B3GNT4: variants seen among roughly 807,000 people sequenced by gnomAD.
B3GNT4 encodes UDP-GlcNAc:betaGal beta-1,3-N-acetylglucosaminyltransferase 4, also known as N-acetyllactosaminide beta-1,3-N-acetylglucosaminyltransferase 4.
Under a neutral mutation model 2.7 loss-of-function variants are expected in B3GNT4, and 2 were observed. That is an observed-to-expected ratio of 0.73 (90% CI 0.30 to 2.31). The LOEUF (loss-of-function observed/expected upper bound fraction) is 2.31. B3GNT4 is among the 30% of genes most tolerant of loss of function. The probability of loss-of-function intolerance (pLI) is 0.12; values close to 1 mark genes in which losing one functional copy is unlikely to be tolerated. For missense variants in B3GNT4, 708 were observed against 490.9 expected, an observed-to-expected ratio of 1.44 and a Z score of -4.18; for synonymous variants, 280 against 203.4, an observed-to-expected ratio of 1.38 and a Z score of -3.20.
intron 1 of B3GNT4, 22 bp from the exon 2 acceptor site, chr12:122,204,500 C>G (rs1812497634): frequency 2.3e-6 from 2 of 863,776 alleles, no homozygotes; most frequent in East Asian, 2.7e-5. Flanking sequence ...CACCGCCGCC[C>G]GCCCGGGCCT....
At position 122,208,118 on chromosome 12, in the gene B3GNT4, T is replaced by TTA. The variant is rs1953972082; in HGVS notation, c.*730_*731insTA. 1.5e-6 allele frequency: 1 copy of TTA among 658,180 alleles called. No homozygotes were observed. The highest frequency in any genetic ancestry group is 2.8e-6 in the Non-Finnish European group (1 of 358,368). The allele number at this position is 658,180 out of a possible 1,614,324, so 40.8% of individuals were successfully genotyped here. The stretch of plus-strand genomic sequence containing the variant: ...TAGGCAAAATGCTTTGGGTGTGAGG[T>TTA]AAAAAAAATGGGTAAGAGCAGCTGT... On this transcript the variant is annotated 3_prime_UTR_variant, in exon 3 of 3. Coordinates refer to ENST00000324189, the MANE Select transcript of B3GNT4 (RefSeq NM_030765.4).
chr12:122,204,850 G>T (rs148649441), intron 2 of B3GNT4, 166 bp downstream of exon 2: 469 of 608,804 alleles, frequency 7.7e-4, no homozygotes, highest in Middle Eastern at 1.8e-3. Flanking sequence ...GACCAGCCCA[G>T]GCAACAAAAG....
Position 122,208,846 on chromosome 12 carries a change from A to G in B3GNT4, c.*1458A>G, listed in dbSNP as rs1593165726. The stretch of plus-strand genomic sequence containing the variant: ...ATGCAACTCTCACAATCATCTTTAT[A>G]GCTACAGAGCTTTTAGTACAGACCT... On this transcript the variant is annotated 3_prime_UTR_variant, in exon 3 of 3. Coordinates refer to ENST00000324189, the MANE Select transcript of B3GNT4 (RefSeq NM_030765.4). 1.8e-6 allele frequency: 1 copy of G among 563,490 alleles called. No homozygotes were observed. Among genetic ancestry groups the G allele is most frequent in the African/African-American group, 1.9e-5 (1 of 53,796 alleles). 34.9% of individuals were successfully genotyped at this position (563,490 alleles called of 1,614,324 possible).
At position 122,208,718 on chromosome 12, in the gene B3GNT4, G is replaced by T; in HGVS notation, c.*1330G>T. 1 of 812,866 alleles carries T rather than the reference G, an allele frequency of 1.2e-6. No homozygotes were observed. The highest frequency in any genetic ancestry group is 2.0e-5 in the Admixed American group (1 of 50,018). 50.4% of individuals were successfully genotyped at this position (812,866 alleles called of 1,614,324 possible). The stretch of plus-strand genomic sequence containing the variant: ...CTTGACCTCCCTGTCTTCTCTCTCT[G>T]CAAAGAAACTTCCACCTCTATGTTC... On this transcript the variant is annotated 3_prime_UTR_variant, in exon 3 of 3. Coordinates refer to ENST00000324189, the MANE Select transcript of B3GNT4 (RefSeq NM_030765.4).
rs774168455 is a variant in B3GNT4, at chr12:122,206,824, C to G, written c.573C>G (p.Phe191Leu). The G allele has an allele frequency of 6.2e-7, 1 of 1,612,880 alleles. No individual in the cohort carries two copies. Among genetic ancestry groups the G allele is most frequent in the African/African-American group, 1.3e-5 (1 of 74,936 alleles). Reference sequence around the variant, plus strand: ...AGTGGGACTTCACTGAGGACTTCTTCAACCTGACGCTCAAGGAGCTGCACC... The same window carrying G: ...AGTGGGACTTCACTGAGGACTTCTTGAACCTGACGCTCAAGGAGCTGCACC... Reference protein sequence around the residue: ...ILQWDFTEDFFNLTLKELHLQ... With the variant: ...ILQWDFTEDFLNLTLKELHLQ... Residue 191 changes from phenylalanine to leucine, a missense_variant, in exon 3 of 3, where the codon TTC becomes TTG. Phe to Leu is a conservative substitution (Grantham distance 22, BLOSUM62 0). Coordinates refer to ENST00000324189, the MANE Select transcript of B3GNT4 (RefSeq NM_030765.4).
At position 122,208,412 on chromosome 12, in the gene B3GNT4, G is replaced by A. The variant is rs769655007; in HGVS notation, c.*1024G>A. On this transcript the variant is annotated 3_prime_UTR_variant, in exon 3 of 3. Transcript: ENST00000324189. ...CTCACGCAGGTAGGCCTCCTGCTCCGACTCAGCCCGCTCCTCCCCTTCCTC... is the reference window on the plus strand; with the variant it reads ...CTCACGCAGGTAGGCCTCCTGCTCCAACTCAGCCCGCTCCTCCCCTTCCTC... The A allele has an allele frequency of 6.8e-6, 11 of 1,613,142 alleles. No homozygotes were observed. The highest frequency in any genetic ancestry group is 1.8e-4 in the Middle Eastern group (1 of 5,600).
chr12:122,207,324 C>G lies in B3GNT4; in HGVS notation c.1073C>G (p.Thr358Ser), dbSNP rs752469508. ...CGCCTCAGCCCCCTCGAGATGTGGACCATGTGGGCACTGGTGACAGATGAG... is the reference window on the plus strand; with the variant it reads ...CGCCTCAGCCCCCTCGAGATGTGGAGCATGTGGGCACTGGTGACAGATGAG... Reference protein sequence around the residue: ...VHRLSPLEMWTMWALVTDEGL... With the variant: ...VHRLSPLEMWSMWALVTDEGL... Residue 358 changes from threonine (T) to serine (S), a missense_variant, in exon 3 of 3, where the codon ACC (threonine) becomes AGC (serine). By Grantham distance (58) the Thr-to-Ser change is moderately conservative. Transcript: ENST00000324189. 2 of 1,610,476 alleles carry G rather than the reference C, an allele frequency of 1.2e-6. No homozygotes were observed. The highest frequency in any genetic ancestry group is 3.4e-5 in the Admixed American group (2 of 59,652).
chr12:122,208,025 C>T lies in B3GNT4; in HGVS notation c.*637C>T, dbSNP rs1485212984. The T allele has an allele frequency of 9.8e-6, 5 of 511,632 alleles. No individual in the cohort carries two copies. The highest frequency in any genetic ancestry group is 7.7e-5 in the South Asian group (5 of 64,974). 31.7% of individuals were successfully genotyped at this position (511,632 alleles called of 1,614,324 possible). A position where few individuals can be genotyped will look rare whatever the true frequency, so the allele number is the denominator to read the frequency against. On this transcript the variant is annotated 3_prime_UTR_variant, in exon 3 of 3. Coordinates refer to ENST00000324189, the MANE Select transcript of B3GNT4 (RefSeq NM_030765.4). ...ATCATTTTTGACGACGTAAATAAGA[C>T]TGAAAACAGGTTAAACAGTTGCTGA... is the stretch of plus-strand genomic sequence containing the variant.
At position 122,206,667 on chromosome 12, in the gene B3GNT4, G is replaced by T. The variant is rs1011006255; in HGVS notation, c.416G>T (p.Ser139Ile). The stretch of plus-strand genomic sequence containing the variant: ...GTGGAGCGACGTGCGGCTATCCGCA[G>T]CACGTGGGGCAGGGTGGGGGGATGG... ...GHVERRAAIRSTWGRVGGWAR... is the reference protein window; with the variant it reads ...GHVERRAAIRITWGRVGGWAR... Residue 139 changes from serine to isoleucine, a missense_variant, in exon 3 of 3, where the codon AGC becomes ATC. By Grantham distance (142) the Ser-to-Ile change is moderately radical. Transcript: ENST00000324189. The T allele has an allele frequency of 4.3e-6, 7 of 1,613,392 alleles. No homozygotes were observed. Among genetic ancestry groups the T allele is most frequent in the Non-Finnish European group, 5.9e-6 (7 of 1,179,880 alleles).
chr12:122,204,222 TCCTGTGGGGATCCGAGG>T (rs1329052741), intron 1 of B3GNT4, among the ~76,000 whole-genome samples: 1 of 151,766 alleles, frequency 6.6e-6, no homozygotes, highest in Non-Finnish European at 1.5e-5. Context: ...GGTCACCGAG[TCCTGTGGGGATCCGAGG>T]CGGCTGCCGC....
At chr12:122,206,062 G>A in intron 2 of B3GNT4, 1 of 442,844 alleles carries the variant, frequency 2.3e-6, no homozygotes, top group South Asian at 6.8e-5. Context: ...CTGTAAAGTG[G>A]CTGCAAGTCC....
chr12:122,207,309 C>A lies in B3GNT4; in HGVS notation c.1058C>A (p.Pro353His), dbSNP rs781468610. The change falls in exon 3 of 3, where the codon CCC (proline) becomes CAC (histidine). Residue 353 changes from proline to histidine, a missense_variant. Physicochemically the swap from Pro to His is moderately conservative, Grantham distance 77. Transcript: ENST00000324189. ...CTCCTGCTGGTTCACCGCCTCAGCC[C>A]CCTCGAGATGTGGACCATGTGGGCA... ...RGLLLVHRLS[P>H]LEMWTMWALV... 4.3e-6 allele frequency: 7 copies of A among 1,612,934 alleles called. No individual in the cohort carries two copies. In the East Asian group the frequency reaches 1.6e-4, roughly 36 times the overall value.
In B3GNT4 at chr12:122,208,048, TG is replaced by T; in HGVS notation, c.*661del. Reference sequence around the variant, plus strand: ...GACTGAAAACAGGTTAAACAGTTGCTGAACTTAAGGGCATGACAAAAAGGAC... The same window carrying T: ...GACTGAAAACAGGTTAAACAGTTGCTAACTTAAGGGCATGACAAAAAGGAC... On this transcript the variant is annotated 3_prime_UTR_variant, in exon 3 of 3. Transcript: ENST00000324189. The T allele has an allele frequency of 1.8e-6, 1 of 553,082 alleles. No individual in the cohort carries two copies. Among genetic ancestry groups the T allele is most frequent in the South Asian group, 1.5e-5 (1 of 65,340 alleles). The allele number at this position is 553,082 out of a possible 1,614,324, so 34.3% of individuals were successfully genotyped here. A position where few individuals can be genotyped will look rare whatever the true frequency, so the allele number is the denominator to read the frequency against.
At position 122,208,332 on chromosome 12, in the gene B3GNT4, C is replaced by T. The variant is rs770690741; in HGVS notation, c.*944C>T. The T allele has an allele frequency of 1.3e-6, 2 of 1,599,312 alleles. No homozygotes were observed. Among genetic ancestry groups the T allele is most frequent in the East Asian group, 2.2e-5 (1 of 44,830 alleles). On this transcript the variant is annotated 3_prime_UTR_variant, in exon 3 of 3. Transcript: ENST00000324189. ...CCAACCCTGGGCAGGGTGGCATCTGCCCCTGCTTTCCCCACTGAGTGGGGA... is the reference window on the plus strand; with the variant it reads ...CCAACCCTGGGCAGGGTGGCATCTGTCCCTGCTTTCCCCACTGAGTGGGGA...
chr12:122,203,721 C>T lies in B3GNT4; in HGVS notation c.-178C>T. 3.5e-6 allele frequency: 1 copy of T among 288,724 alleles called. No individual in the cohort carries two copies. Among genetic ancestry groups the T allele is most frequent in the Non-Finnish European group, 6.4e-6 (1 of 156,680 alleles). 17.9% of individuals were successfully genotyped at this position (288,724 alleles called of 1,614,324 possible). A position where few individuals can be genotyped will look rare whatever the true frequency, so the allele number is the denominator to read the frequency against. On this transcript the variant is annotated 5_prime_UTR_variant, in exon 1 of 3. Transcript: ENST00000324189. ...AGAAGCCCCGCCCACTCCCGAGCCC[C>T]GAGAGCTCCGCGCACCTGGGCGCCA... is the stretch of plus-strand genomic sequence containing the variant.
In B3GNT4 at chr12:122,207,422, C is replaced by CA. The variant is rs1555242037; in HGVS notation, c.*35dup. ...TTGGGCAACAGCCTGAGAGTGGACT[C>CA]AGTGTTGATTCTCTATCGTGATGCG... On this transcript the variant is annotated 3_prime_UTR_variant, in exon 3 of 3. Coordinates refer to ENST00000324189, the MANE Select transcript of B3GNT4 (RefSeq NM_030765.4). The CA allele has an allele frequency of 1.3e-6, 2 of 1,501,124 alleles. No homozygotes were observed. The highest frequency in any genetic ancestry group is 1.3e-5 in the South Asian group (1 of 74,276). 93.0% of individuals were successfully genotyped at this position (1,501,124 alleles called of 1,614,324 possible).
chr12:122,208,667 T>C lies in B3GNT4; in HGVS notation c.*1279T>C, dbSNP rs753604950. On this transcript the variant is annotated 3_prime_UTR_variant, in exon 3 of 3. Transcript: ENST00000324189. ...TGGCCTGGGGGTGCTGTGGCTGTCA[T>C]CTGAACCCCTCTTGGGGTCACTTTC... is the stretch of plus-strand genomic sequence containing the variant. The C allele has an allele frequency of 7.6e-6, 10 of 1,317,908 alleles. No individual in the cohort carries two copies. The African/African-American group carries it at 8.7e-5, about 11-fold the overall frequency. 81.6% of individuals were successfully genotyped at this position (1,317,908 alleles called of 1,614,324 possible).
Position 122,207,380 on chromosome 12 carries a change from C to T in B3GNT4, c.1129C>T (p.Gln377Ter), listed in dbSNP as rs769032667. The change falls in exon 3 of 3, where the codon CAG (glutamine) becomes TAG (stop). Residue 377 changes from glutamine (Q) to a stop codon, truncating the protein, a stop_gained. Transcript: ENST00000324189. LOFTEE classifies it high-confidence loss of function. Reference sequence around the variant, plus strand: ...CAAGTGTGCAGCTGGCCCCATACCCCAGCGCTGAAGGGTGGGTTGGGCAAC... The same window carrying T: ...CAAGTGTGCAGCTGGCCCCATACCCTAGCGCTGAAGGGTGGGTTGGGCAAC... ...GLKCAAGPIP[Q>*]R 23 of 1,555,940 alleles carry T rather than the reference C, an allele frequency of 1.5e-5. 1 individual carries two copies. The highest frequency in any genetic ancestry group is 9.7e-5 in the South Asian group (8 of 82,316).
rs369076213 is a variant in B3GNT4, at chr12:122,206,832, C to T, written c.581C>T (p.Thr194Met). 1.9e-6 allele frequency: 3 copies of T among 1,613,268 alleles called. No homozygotes were observed. Among genetic ancestry groups the T allele is most frequent in the Non-Finnish European group, 2.5e-6 (3 of 1,179,740 alleles). Residue 194 changes from threonine to methionine, a missense_variant, in exon 3 of 3, where the codon ACG becomes ATG. Physicochemically the swap from Thr to Met is moderately conservative, Grantham distance 81 (BLOSUM62 -1). Coordinates refer to ENST00000324189, the MANE Select transcript of B3GNT4 (RefSeq NM_030765.4). ...TTCACTGAGGACTTCTTCAACCTGA[C>T]GCTCAAGGAGCTGCACCTGCAGCGC... ...WDFTEDFFNL[T>M]LKELHLQRWV... is the part of the protein sequence containing the mutation.
Sources: gnomAD v4.1 joint callset for allele counts (sites outside exome capture counted in the v4.1 genomes callset) on GRCh38, gnomAD v4.1.1 for gene constraint, MANE v1.5 for transcripts, NCBI Gene and HGNC (gene_info 2026-07-23, HGNC 2026-07-21) for gene names.